TOM1L2: variants seen among roughly 807,000 people sequenced by gnomAD.
The protein encoded by TOM1L2 is target of myb1 like 2 membrane trafficking protein.
TOM1L2 carries 31 observed loss-of-function variants against 67.9 expected under a neutral mutation model. The observed-to-expected ratio is 0.46, with a 90% CI of 0.34 to 0.62. TOM1L2 has a LOEUF of 0.62. Ranked by LOEUF, TOM1L2 falls within the 20% of genes least tolerant of loss-of-function variation. The pLI is 0.01. For synonymous variants in TOM1L2, 256 were observed against 254.0 expected (o/e 1.01, Z -0.07); for missense variants, 606 against 663.5 (o/e 0.91, Z 0.95).
chr17:17,962,265 T>C (rs1230755354), intron 1 of TOM1L2, among the ~76,000 whole-genome samples: 2 of 151,964 alleles, frequency 1.3e-5, no homozygotes, highest in African/African-American at 4.8e-5. Flanking sequence ...CAGGGAGATA[T>C]TGTTTCACTT....
chr17:17,916,326 GC>G (rs1267175915), intron 1 of TOM1L2, among the ~76,000 whole-genome samples: 1 of 152,124 alleles, frequency 6.6e-6, no homozygotes, highest in Non-Finnish European at 1.5e-5. Flanking sequence ...GCCTGCCTTG[GC>G]CTCCCAAAGT....
intron 7 of TOM1L2, among the ~76,000 whole-genome samples, chr17:17,875,602 C>CAGCT (rs1343100735): frequency 1.3e-5 from 2 of 152,222 alleles, no homozygotes; most frequent in East Asian, 3.8e-4. Flanking sequence ...GAGGGAAGAA[C>CAGCT]AGCTGGTCAC....
chr17:17,904,730 C>T (rs2039012017), intron 2 of TOM1L2, among the ~76,000 whole-genome samples: 1 of 152,138 alleles, frequency 6.6e-6, no homozygotes, highest in South Asian at 2.1e-4. Flanking sequence ...GATTCCAGAC[C>T]CTCCCGCTCC....
chr17:17,956,803 C>T (rs541951129), intron 1 of TOM1L2, among the ~76,000 whole-genome samples: 1 of 152,234 alleles, frequency 6.6e-6, no homozygotes, highest in African/African-American at 2.4e-5. Context: ...CCAGAACTCG[C>T]GCTGGCCCGC....
rs2037787249 is a variant in TOM1L2, at chr17:17,882,723, G to T, written c.642C>A (p.Ile214=). 6.2e-7 allele frequency: 1 copy of T among 1,614,084 alleles called. No individual in the cohort carries two copies. The highest frequency in any genetic ancestry group is 8.5e-7 in the Non-Finnish European group (1 of 1,180,040). The change falls in exon 6 of 15, where the codon ATC becomes ATA. Residue 214 remains isoleucine (I), a synonymous_variant. Coordinates refer to ENST00000379504, the MANE Select transcript of TOM1L2 (RefSeq NM_001082968.2). ...CAAGTACCTGTTCTGAATTGGCTGT[G>T]ATGGGGCCAGTCACACTCAGAGCTG... ...QAPALSVTGP[I]TANSEQIARL...
At chr17:17,858,156 G>T (rs1772459122) in intron 12 of TOM1L2, 1 of 243,076 alleles carries the variant, frequency 4.1e-6, no homozygotes, top group East Asian at 8.1e-5. Context: ...GGCTATCAGG[G>T]TTGGGAGGGG....
intron 1 of TOM1L2, among the ~76,000 whole-genome samples, chr17:17,919,628 C>T (rs2039770854): frequency 6.6e-6 from 1 of 152,180 alleles, no homozygotes; most frequent in Non-Finnish European, 1.5e-5. Context: ...ATTTCCTGGA[C>T]CCCAGGAAGT....
At chr17:17,969,628 A>AT in intron 1 of TOM1L2, among the ~76,000 whole-genome samples, 1 of 152,300 alleles carries the variant, frequency 6.6e-6, no homozygotes, top group Middle Eastern at 3.4e-3. Context: ...CAAGCATCTT[A>AT]TGAGCAATGG....
intron 1 of TOM1L2, among the ~76,000 whole-genome samples, chr17:17,920,305 C>A (rs2039802866): frequency 7.0e-6 from 1 of 142,552 alleles, no homozygotes; most frequent in Admixed American, 7.0e-5. Context: ...TTCTCATTTG[C>A]TCTTCTCACC....
intron 1 of TOM1L2, among the ~76,000 whole-genome samples, chr17:17,942,515 C>G (rs2040775513): frequency 2.0e-5 from 3 of 152,128 alleles, no homozygotes; most frequent in Admixed American, 1.3e-4. Context: ...ATACTAGTTA[C>G]TAAGTATTAA....
intron 4 of TOM1L2, among the ~76,000 whole-genome samples, chr17:17,892,860 G>C (rs1473562786): frequency 6.6e-6 from 1 of 152,134 alleles, no homozygotes; most frequent in East Asian, 1.9e-4. Context: ...GATAAACTCA[G>C]GTCTCTTGCC....
rs534974816 is a variant in TOM1L2 at position 17,851,358 on chromosome 17, T to C, written c.1279-406A>G. ...GAACTCAGCCACTATGACAGTCCGC[T>C]GTCAAGCCCAACCCAGGGAAGGCCA... On this transcript the variant is annotated intron_variant, in intron 12 of 14. Coordinates refer to ENST00000379504, the MANE Select transcript of TOM1L2 (RefSeq NM_001082968.2). 1.5e-4 allele frequency: 45 copies of C among 293,322 alleles called. 2 individuals are homozygous for C. The East Asian group carries it at 3.9e-3, about 26-fold the overall frequency. 18.2% of individuals were successfully genotyped at this position (293,322 alleles called of 1,614,324 possible). A position where few individuals can be genotyped will look rare whatever the true frequency, so the allele number is the denominator to read the frequency against.
At chr17:17,893,007 C>T (rs1250065380) in intron 4 of TOM1L2, among the ~76,000 whole-genome samples, 1 of 152,222 alleles carries the variant, frequency 6.6e-6, no homozygotes, top group Admixed American at 6.5e-5. Flanking sequence ...TGCCCAGCCA[C>T]CTGCTCCTGA....
At chr17:17,926,157 T>G (rs2040074884) in intron 1 of TOM1L2, among the ~76,000 whole-genome samples, 1 of 137,672 alleles carries the variant, frequency 7.3e-6, no homozygotes, top group African/African-American at 2.8e-5. Flanking sequence ...GGGGACAGAG[T>G]AAAACTCTGT....
intron 4 of TOM1L2, among the ~76,000 whole-genome samples, chr17:17,888,026 G>C (rs1302539366): frequency 6.6e-6 from 1 of 152,222 alleles, no homozygotes; most frequent in Non-Finnish European, 1.5e-5. Flanking sequence ...CAAGCCTCAG[G>C]AGGTCTGGCC....
At chr17:17,852,715 A>G (rs1411192275) in intron 12 of TOM1L2, among the ~76,000 whole-genome samples, 1 of 151,972 alleles carries the variant, frequency 6.6e-6, no homozygotes, top group African/African-American at 2.4e-5. Context: ...AAAATACAAA[A>G]TTAGTTGGGT....
At chr17:17,856,916 C>T (rs2036281258) in intron 12 of TOM1L2, among the ~76,000 whole-genome samples, 1 of 152,170 alleles carries the variant, frequency 6.6e-6, no homozygotes, top group South Asian at 2.1e-4. Flanking sequence ...CATTGAACTC[C>T]CCTGGGCTTT....
chr17:17,884,792 G>A (rs2037909870), intron 4 of TOM1L2, 24 bp from the exon 5 acceptor site: 6 of 1,612,246 alleles, frequency 3.7e-6, no homozygotes, highest in Non-Finnish European at 5.1e-6. Flanking sequence ...AGGCCTGTTA[G>A]GAAGCATTTC....
intron 5 of TOM1L2, among the ~76,000 whole-genome samples, chr17:17,883,266 T>C (rs1437094404): frequency 3.3e-5 from 5 of 152,262 alleles, no homozygotes; most frequent in African/African-American, 1.2e-4. Context: ...TTTTTTGGTC[T>C]TTACAAGTAG....
Sources: gnomAD v4.1 joint callset for allele counts (sites outside exome capture counted in the v4.1 genomes callset) on GRCh38, gnomAD v4.1.1 for gene constraint, MANE v1.5 for transcripts, NCBI Gene and HGNC (gene_info 2026-07-23, HGNC 2026-07-21) for gene names.